Variants in IQCM observed in about 807,000 individuals in gnomAD.
IQCM encodes the protein IQ motif containing M.
In IQCM, 45 loss-of-function variants were observed where a neutral mutation model predicts 57.6. That is an observed-to-expected ratio of 0.78 (90% CI 0.62 to 1.00). The LOEUF is 1.00. IQCM is among the 50% of genes least tolerant of loss of function. IQCM has a pLI of 0.00. For missense variants in IQCM, 468 were observed against 511.6 expected (o/e 0.91, Z 0.82); for synonymous variants, 148 against 158.9 (o/e 0.93, Z 0.51).
chr4:149,418,790 C>T (rs1399183773), intron 13 of IQCM, among the ~76,000 whole-genome samples: 3 of 152,144 alleles, frequency 2.0e-5, no homozygotes, highest in Non-Finnish European at 4.4e-5. Flanking sequence ...GGAACTTCAG[C>T]AAGGTCTCAG....
chr4:149,402,080 C>T (rs540063053), intron 13 of IQCM, among the ~76,000 whole-genome samples: 3 of 151,732 alleles, frequency 2.0e-5, no homozygotes, highest in East Asian at 3.9e-4. Context: ...GTTGTTATTG[C>T]CATTGACAGA....
intron 12 of IQCM, among the ~76,000 whole-genome samples, chr4:149,515,846 G>A (rs1744903369): frequency 6.6e-6 from 1 of 152,214 alleles, no homozygotes; most frequent in Non-Finnish European, 1.5e-5. Flanking sequence ...AAAGGTATGT[G>A]GATGGACCTC....
At chr4:149,747,216 C>T (rs1486372766) in intron 2 of IQCM, among the ~76,000 whole-genome samples, 1 of 152,160 alleles carries the variant, frequency 6.6e-6, no homozygotes, top group Non-Finnish European at 1.5e-5. Context: ...AGAACAAGTT[C>T]CAATGAGGGC....
chr4:149,520,178 AT>A (rs1745473082), intron 12 of IQCM, among the ~76,000 whole-genome samples: 1 of 149,856 alleles, frequency 6.7e-6, no homozygotes, highest in East Asian at 2.0e-4. Context: ...CTGTATATTA[AT>A]TTTTTTATTC....
chr4:149,685,977 A>G (rs1183050006), intron 6 of IQCM, among the ~76,000 whole-genome samples: 1 of 151,596 alleles, frequency 6.6e-6, no homozygotes, highest in Non-Finnish European at 1.5e-5. Context: ...TCTGTTAGAA[A>G]GACTAACCTT....
At chr4:149,557,506 T>G (rs1444237542) in intron 10 of IQCM, among the ~76,000 whole-genome samples, 1 of 152,190 alleles carries the variant, frequency 6.6e-6, no homozygotes, top group African/African-American at 2.4e-5. Context: ...GGCCTGGAAT[T>G]TCATGCACGC....
chr4:149,502,426 G>A (rs1366067227), intron 12 of IQCM, among the ~76,000 whole-genome samples: 1 of 152,156 alleles, frequency 6.6e-6, no homozygotes, highest in African/African-American at 2.4e-5. Context: ...CCAACACTTT[G>A]GGAGGTGGAG....
chr4:149,392,047 T>C (rs966625871), intron 13 of IQCM, among the ~76,000 whole-genome samples: 17 of 151,946 alleles, frequency 1.1e-4, no homozygotes, highest in Admixed American at 1.1e-3. Context: ...CCTAGCTGTC[T>C]ACCCACTACT....
chr4:149,706,936 G>T (rs1764205731), intron 5 of IQCM, among the ~76,000 whole-genome samples: 2 of 151,884 alleles, frequency 1.3e-5, no homozygotes, highest in Non-Finnish European at 2.9e-5. Context: ...TCATTGTTTT[G>T]AGTCTATTTC....
At chr4:149,454,424 A>G (rs957999422) in intron 12 of IQCM, among the ~76,000 whole-genome samples, 1 of 151,808 alleles carries the variant, frequency 6.6e-6, no homozygotes, top group Non-Finnish European at 1.5e-5. Flanking sequence ...CATTGAGTAC[A>G]CATGGACACA....
At chr4:149,702,300 TCACA>T (rs3085128) in intron 5 of IQCM, among the ~76,000 whole-genome samples, 4,006 of 145,892 alleles carry the variant, frequency 0.027, 169 homozygotes, top group African/African-American at 0.091. Context: ...CTCCCTCACT[TCACA>T]CACACACACA....
chr4:149,523,634 T>G (rs895251952), intron 12 of IQCM, among the ~76,000 whole-genome samples: 3 of 152,094 alleles, frequency 2.0e-5, no homozygotes, highest in Non-Finnish European at 4.4e-5. Flanking sequence ...TGAGCAATAA[T>G]CATTCACTGG....
At chr4:149,371,594 A>T (rs1730371249) in intron 13 of IQCM, among the ~76,000 whole-genome samples, 1 of 152,192 alleles carries the variant, frequency 6.6e-6, no homozygotes. Context: ...ACTAGCAAGA[A>T]CTGATATGGA....
At chr4:149,645,937 T>C (rs1488628883) in intron 7 of IQCM, among the ~76,000 whole-genome samples, 1 of 152,180 alleles carries the variant, frequency 6.6e-6, no homozygotes, top group Non-Finnish European at 1.5e-5. Flanking sequence ...CCTGCATGCC[T>C]GTGTACCTGC....
At chr4:149,671,615 A>T (rs1579943291) in intron 7 of IQCM, among the ~76,000 whole-genome samples, 2 of 152,154 alleles carry the variant, frequency 1.3e-5, no homozygotes, top group African/African-American at 4.8e-5. Flanking sequence ...GTGGGCATTT[A>T]GTGCTATAAA....
intron 12 of IQCM, among the ~76,000 whole-genome samples, chr4:149,534,577 T>C (rs1267052211): frequency 6.6e-6 from 1 of 152,104 alleles, no homozygotes; most frequent in African/African-American, 2.4e-5. Flanking sequence ...CACAGTGGTA[T>C]ATAAGGAATC....
chr4:149,717,474 A>C (rs754478503), intron 5 of IQCM, among the ~76,000 whole-genome samples: 1 of 152,182 alleles, frequency 6.6e-6, no homozygotes, highest in Non-Finnish European at 1.5e-5. Context: ...TAGCTGAGAA[A>C]TCCGTTTCAA....
intron 12 of IQCM, chr4:149,514,446 C>T (rs1228071201): frequency 6.6e-6 from 1 of 152,174 alleles, no homozygotes; most frequent in Non-Finnish European, 1.5e-5. Context: ...ACAAATCTTA[C>T]AGAAACTTGT....
intron 2 of IQCM, among the ~76,000 whole-genome samples, chr4:149,760,220 T>C (rs1269067775): frequency 6.6e-6 from 1 of 151,650 alleles, no homozygotes; most frequent in African/African-American, 2.4e-5. Context: ...GAAGAAATAA[T>C]AGATAATAAG....
Sources: allele counts gnomAD v4.1 joint callset (sites outside exome capture counted in the v4.1 genomes callset), GRCh38; gene constraint gnomAD v4.1.1; transcripts MANE v1.5; gene names NCBI Gene and HGNC (gene_info 2026-07-23, HGNC 2026-07-21).